The following PRKCA variants were observed in gnomAD, a reference collection of about 807,000 sequenced individuals.
The protein encoded by PRKCA is protein kinase C alpha type.
PRKCA carries 27 observed loss-of-function variants against 87.0 expected under a neutral mutation model. That is an observed-to-expected ratio of 0.31 (90% confidence interval 0.23 to 0.43). The LOEUF is 0.43. Among genes scored for constraint, PRKCA ranks in the 20% least tolerant of loss-of-function variants. The pLI, the probability that PRKCA is intolerant of heterozygous loss-of-function variation, is 1.00. For missense variants in PRKCA, 518 were observed against 852.3 expected, an observed-to-expected ratio of 0.61 and a Z score of 4.88; for synonymous variants, 329 against 311.1, an observed-to-expected ratio of 1.06 and a Z score of -0.61.
chr17:66,536,170 C>T (rs180951356), intron 3 of PRKCA, among the ~76,000 whole-genome samples: 3 of 152,326 alleles, frequency 2.0e-5, no homozygotes, highest in Admixed American at 6.5e-5. Context: ...TTTCTGATCA[C>T]AGTCCCAAAT....
intron 2 of PRKCA, among the ~76,000 whole-genome samples, chr17:66,420,443 A>G (rs1032896836): frequency 2.6e-5 from 4 of 152,176 alleles, no homozygotes; most frequent in African/African-American, 7.2e-5. Context: ...TGTAAAAGTG[A>G]TAGAAATTCA....
chr17:66,329,677 T>C (rs1293350048), intron 2 of PRKCA, among the ~76,000 whole-genome samples: 1 of 152,082 alleles, frequency 6.6e-6, no homozygotes, highest in Non-Finnish European at 1.5e-5. Context: ...CCTACTGCCA[T>C]AGGTAGGACA....
At chr17:66,699,407 C>T (rs1973009168) in intron 8 of PRKCA, among the ~76,000 whole-genome samples, 1 of 152,044 alleles carries the variant, frequency 6.6e-6, no homozygotes, top group Non-Finnish European at 1.5e-5. Flanking sequence ...CTGTTACACA[C>T]CAACAAATTG....
At position 66,689,785 on chromosome 17, in the gene PRKCA, C is replaced by T. The variant is rs1396202627; in HGVS notation, c.918+738C>T. ...TAAAGGCACAACTTCTAATATTTGT[C>T]TGTTTCTCTAATCACCCTTCATTTT... On this transcript the variant is annotated intron_variant, in intron 8 of 16. Coordinates refer to ENST00000413366, the MANE Select transcript of PRKCA (RefSeq NM_002737.3). This position sits in a 1 kb window ranked among gnomAD's most constrained non-coding sequence, Gnocchi z 4.1. Among the ~76,000 whole-genome samples, 1 of 152,204 alleles carries T rather than the reference C, an allele frequency of 6.6e-6. No individual in the cohort carries two copies. The highest frequency in any genetic ancestry group is 1.5e-5 in the Non-Finnish European group (1 of 68,050).
At chr17:66,324,987 TAA>T (rs1398352358) in intron 2 of PRKCA, among the ~76,000 whole-genome samples, 2 of 152,222 alleles carry the variant, frequency 1.3e-5, no homozygotes, top group Non-Finnish European at 2.9e-5. Flanking sequence ...CCTCTGTGAA[TAA>T]AGAAAAATCC....
chr17:66,724,673 G>A (rs761237503), intron 8 of PRKCA, among the ~76,000 whole-genome samples: 3 of 152,238 alleles, frequency 2.0e-5, no homozygotes, highest in Non-Finnish European at 2.9e-5. Context: ...GTCTGGCCAC[G>A]TTGGGCCGTG....
At chr17:66,494,759 G>T (rs972649056) in intron 2 of PRKCA, among the ~76,000 whole-genome samples, 1 of 152,166 alleles carries the variant, frequency 6.6e-6, no homozygotes, top group Non-Finnish European at 1.5e-5. Context: ...TTCAAGGAGA[G>T]ACTAGGTCAT....
At position 66,772,296 on chromosome 17, in the gene PRKCA, T is replaced by C. The variant is rs568277429; in HGVS notation, c.1525-1691T>C. Among the ~76,000 whole-genome samples, 7 of 152,330 alleles carry C rather than the reference T, an allele frequency of 4.6e-5. No individual in the cohort carries two copies. In the South Asian group the frequency reaches 1.4e-3, roughly 32 times the overall value. ...CTCCTTGTAGGTTCCTATGTTTATA[T>C]CATTTTCTTGTCAAGGAAATGAGCT... On this transcript the variant is annotated intron_variant, in intron 13 of 16. Coordinates refer to ENST00000413366, the MANE Select transcript of PRKCA (RefSeq NM_002737.3).
chr17:66,681,133 G>A (rs141834200), intron 5 of PRKCA, among the ~76,000 whole-genome samples: 8 of 152,244 alleles, frequency 5.3e-5, no homozygotes, highest in Admixed American at 1.3e-4. Flanking sequence ...GGAGGCTGAC[G>A]CAGGAGACTC....
intron 8 of PRKCA, among the ~76,000 whole-genome samples, chr17:66,717,149 A>G (rs1056466291): frequency 1.3e-5 from 2 of 152,214 alleles, no homozygotes; most frequent in African/African-American, 4.8e-5. Flanking sequence ...GCAAATGAGG[A>G]TGAGTGATTT....
At chr17:66,729,778 T>G (rs965332851) in intron 8 of PRKCA, among the ~76,000 whole-genome samples, 1 of 109,200 alleles carries the variant, frequency 9.2e-6, no homozygotes, top group African/African-American at 3.5e-5. Context: ...GAGCGAGTTA[T>G]TCTTTTTTTT....
intron 3 of PRKCA, among the ~76,000 whole-genome samples, chr17:66,546,897 T>TA (rs1342833203): frequency 6.6e-6 from 1 of 152,182 alleles, no homozygotes; most frequent in Middle Eastern, 3.2e-3. Flanking sequence ...CCACATCACA[T>TA]ATGGTGTAAG....
chr17:66,670,409 A>G (rs768970214), intron 5 of PRKCA, among the ~76,000 whole-genome samples: 5 of 152,246 alleles, frequency 3.3e-5, no homozygotes, highest in Non-Finnish European at 5.9e-5. Context: ...ATGGGAGCTC[A>G]CAGGGAGTAA....
At chr17:66,613,779 C>CTTTTTTTTTTTTTTT (rs57610655) in intron 3 of PRKCA, among the ~76,000 whole-genome samples, 1 of 69,386 alleles carries the variant, frequency 1.4e-5, no homozygotes, top group Non-Finnish European at 2.4e-5. Context: ...TGACTTCATC[C>CTTTTTTTTTTTTTTT]TTTTTTTTTT....
At chr17:66,512,606 C>T (rs946657236) in intron 3 of PRKCA, among the ~76,000 whole-genome samples, 6 of 152,082 alleles carry the variant, frequency 3.9e-5, no homozygotes, top group Non-Finnish European at 8.8e-5. Context: ...CTGCCCTGGG[C>T]GGTTCCTCTT....
chr17:66,744,894 G>C (rs942350603), intron 13 of PRKCA, among the ~76,000 whole-genome samples: 11 of 152,092 alleles, frequency 7.2e-5, no homozygotes, highest in East Asian at 1.9e-4. Context: ...TCCTTGGTTC[G>C]TGGTGTCTTC....
intron 2 of PRKCA, among the ~76,000 whole-genome samples, chr17:66,410,644 C>T (rs758888310): frequency 4.6e-5 from 7 of 152,104 alleles, no homozygotes; most frequent in Admixed American, 1.3e-4. Flanking sequence ...GGCGCGATCT[C>T]GGCTCACTGC....
intron 13 of PRKCA, among the ~76,000 whole-genome samples, chr17:66,743,558 CACTT>C (rs368642128): frequency 6.6e-6 from 1 of 152,336 alleles, no homozygotes; most frequent in Non-Finnish European, 1.5e-5. Flanking sequence ...TTTGTTATAA[CACTT>C]ACAGAGGATT....
At chr17:66,796,598 C>T (rs967076274) in intron 16 of PRKCA, 3 of 985,150 alleles carry the variant, frequency 3.0e-6, no homozygotes, top group Non-Finnish European at 3.6e-6. Context: ...GCACGTAGCC[C>T]GTTCCCTGAG....
Sources: gnomAD v4.1 joint callset for allele counts (sites outside exome capture counted in the v4.1 genomes callset) on GRCh38, gnomAD v4.1.1 for gene constraint, Gnocchi (gnomAD v3.1) non-coding constraint, MANE v1.5 for transcripts, NCBI Gene and HGNC (gene_info 2026-07-23, HGNC 2026-07-21) for gene names.